THADA: variants seen among roughly 807,000 people sequenced by gnomAD.
The protein encoded by THADA is tRNA (32-2'-O)-methyltransferase regulator THADA.
Under a neutral mutation model 219.8 loss-of-function variants are expected in THADA, and 213 were observed. The observed-to-expected ratio is 0.97, with a 90% CI of 0.87 to 1.09. The LOEUF is 1.09. THADA is among the 50% of genes least tolerant of loss of function. The probability of loss-of-function intolerance (pLI) is 0.00; values close to 1 mark genes in which losing one functional copy is unlikely to be tolerated. For missense variants in THADA, 2,956 were observed against 2,311.3 expected, an observed-to-expected ratio of 1.28 and a Z score of -5.72; for synonymous variants, 1,018 against 828.9, an observed-to-expected ratio of 1.23 and a Z score of -3.92.
chr2:43,319,731 A>G (rs1251070705), intron 31 of THADA, among the ~76,000 whole-genome samples: 1 of 152,198 alleles, frequency 6.6e-6, no homozygotes, highest in Non-Finnish European at 1.5e-5. Context: ...CAATTAGAAG[A>G]GGCTGATTTT....
Position 43,581,755 on chromosome 2 carries a change from T to G in THADA, c.707A>C (p.Lys236Thr), listed in dbSNP as rs753683747. 3 of 1,610,342 alleles carry G rather than the reference T, an allele frequency of 1.9e-6. No individual in the cohort carries two copies. Among genetic ancestry groups the G allele is most frequent in the Non-Finnish European group, 2.5e-6 (3 of 1,179,158 alleles). Residue 236 changes from lysine (K) to threonine (T), a missense_variant, in exon 8 of 38, where the codon AAG (lysine) becomes ACG (threonine). Coordinates refer to ENST00000405975, the MANE Select transcript of THADA (RefSeq NM_022065.5). ...GTTACACTTACCATCGCTTAAAACC[T>G]TGGTAAAAATACTCAGCAATCCACA... ...NMCGLLSIFT[K>T]VLSDDDLLQT...
intron 18 of THADA, 62 bp from the exon 19 acceptor site, chr2:43,551,987 A>G: frequency 6.3e-7 from 1 of 1,579,884 alleles, no homozygotes; most frequent in South Asian, 1.2e-5. Flanking sequence ...AAAAATGAAA[A>G]TTAGATAAAA....
At chr2:43,524,184 A>G (rs968207788) in intron 22 of THADA, among the ~76,000 whole-genome samples, 13 of 152,238 alleles carry the variant, frequency 8.5e-5, no homozygotes, top group African/African-American at 2.7e-4. Context: ...GACATAAAAA[A>G]ATCAGATTAC....
rs1298650643 is a variant in THADA at position 43,437,722 on chromosome 2, C to T, written c.3837-7420G>A. On this transcript the variant is annotated intron_variant, in intron 26 of 37. Transcript: ENST00000405975. ...TGACTGCCTTTTGTTCTGGACTTTC[C>T]GGACTCTATTCAAGGATGTTTATAT... Among the ~76,000 whole-genome samples, 3 of 152,022 alleles carry T rather than the reference C, an allele frequency of 2.0e-5. No individual in the cohort carries two copies. In the East Asian group the frequency reaches 5.8e-4, roughly 29 times the overall value.
intron 28 of THADA, among the ~76,000 whole-genome samples, chr2:43,418,725 G>A (rs570734809): frequency 6.6e-6 from 1 of 152,094 alleles, no homozygotes; most frequent in South Asian, 2.1e-4. Context: ...AGGTTTGAGG[G>A]CAGGACAAAC....
At chr2:43,310,974 C>T (rs1006184202) in intron 31 of THADA, among the ~76,000 whole-genome samples, 12 of 152,046 alleles carry the variant, frequency 7.9e-5, no homozygotes, top group Non-Finnish European at 1.3e-4. Context: ...GTAGCGAGTT[C>T]GACACCAGCC....
intron 26 of THADA, among the ~76,000 whole-genome samples, chr2:43,433,152 G>A (rs1022294705): frequency 1.3e-5 from 2 of 152,010 alleles, no homozygotes; most frequent in African/African-American, 4.8e-5. Context: ...TGAGATAGAG[G>A]TCAAGGTTCT....
chr2:43,245,278 T>C (rs1669030122), intron 36 of THADA, among the ~76,000 whole-genome samples: 1 of 150,498 alleles, frequency 6.6e-6, no homozygotes, highest in Admixed American at 6.7e-5. Context: ...GTTCCAGCGA[T>C]TCTCCTGCCT....
intron 9 of THADA, 80 bp downstream of exon 9, chr2:43,578,433 C>T (rs963580283): frequency 9.2e-7 from 1 of 1,081,538 alleles, no homozygotes; most frequent in Non-Finnish European, 1.4e-6. Flanking sequence ...AAGTGTGAGC[C>T]ACTGCACCAA....
At chr2:43,472,885 A>G (rs987638433) in intron 26 of THADA, among the ~76,000 whole-genome samples, 1 of 152,200 alleles carries the variant, frequency 6.6e-6, no homozygotes, top group African/African-American at 2.4e-5. Flanking sequence ...CATACTAAGC[A>G]TAGAAAAAGA....
chr2:43,575,097 T>G (rs1282391668), intron 10 of THADA, 70 bp from the exon 11 acceptor site: 3 of 1,177,422 alleles, frequency 2.5e-6, no homozygotes, highest in South Asian at 3.8e-5. Context: ...TTATAACAAT[T>G]TAGACTTTAA....
chr2:43,374,278 G>T (rs1190173301), intron 29 of THADA, among the ~76,000 whole-genome samples: 1 of 152,164 alleles, frequency 6.6e-6, no homozygotes, highest in East Asian at 1.9e-4. Context: ...TACAGCAAAT[G>T]AGAGTTAGGT....
intron 29 of THADA, among the ~76,000 whole-genome samples, chr2:43,386,136 C>T (rs936977180): frequency 2.0e-5 from 3 of 151,898 alleles, no homozygotes; most frequent in African/African-American, 7.3e-5. Flanking sequence ...ACACACAACC[C>T]ACTAATTAAT....
intron 30 of THADA, among the ~76,000 whole-genome samples, chr2:43,325,795 T>C (rs1679255328): frequency 6.6e-6 from 1 of 152,252 alleles, no homozygotes; most frequent in Non-Finnish European, 1.5e-5. Context: ...AGAATAATTT[T>C]TAATAAGTTA....
chr2:43,557,047 T>G (rs998726780), intron 16 of THADA, among the ~76,000 whole-genome samples: 1 of 152,068 alleles, frequency 6.6e-6, no homozygotes, highest in Non-Finnish European at 1.5e-5. Flanking sequence ...TGCACCACTG[T>G]GCTCCAGCCT....
chr2:43,416,637 T>A (rs1402331766), intron 28 of THADA, among the ~76,000 whole-genome samples: 1 of 152,148 alleles, frequency 6.6e-6, no homozygotes, highest in Non-Finnish European at 1.5e-5. Context: ...TTTTCCCTAA[T>A]GCAAAAACCC....
Position 43,574,968 on chromosome 2 carries a change from G to A in THADA, c.1097C>T (p.Ser366Leu). The change falls in exon 11 of 38, where the codon TCA (serine) becomes TTA (leucine). Residue 366 changes from serine to leucine, a missense_variant. Ser to Leu is a moderately radical substitution (Grantham distance 145). Coordinates refer to ENST00000405975, the MANE Select transcript of THADA (RefSeq NM_022065.5). Reference sequence around the variant, plus strand: ...ACTTGATTCAAGGACTTGTATGGCTGAATTAGTCCAGGATGCTAAGATTCT... The same window carrying A: ...ACTTGATTCAAGGACTTGTATGGCTAAATTAGTCCAGGATGCTAAGATTCT... ...LSRILASWTN[S>L]AIQVLESSSP... The A allele has an allele frequency of 6.2e-7, 1 of 1,613,960 alleles. No individual in the cohort carries two copies. Among genetic ancestry groups the A allele is most frequent in the South Asian group, 1.1e-5 (1 of 91,076 alleles).
intron 25 of THADA, among the ~76,000 whole-genome samples, chr2:43,496,923 A>G (rs1040608000): frequency 6.6e-6 from 1 of 152,204 alleles, no homozygotes; most frequent in Admixed American, 6.5e-5. Flanking sequence ...GAATTTGGAT[A>G]AAGAAAATGT....
chr2:43,389,291 T>C (rs1380834109), intron 29 of THADA, among the ~76,000 whole-genome samples: 1 of 152,150 alleles, frequency 6.6e-6, no homozygotes, highest in Non-Finnish European at 1.5e-5. Context: ...AGAAATTATA[T>C]ATTATTCTAT....
Sources: allele counts gnomAD v4.1 joint callset (sites outside exome capture counted in the v4.1 genomes callset), GRCh38; gene constraint gnomAD v4.1.1; transcripts MANE v1.5; gene names NCBI Gene and HGNC (gene_info 2026-07-23, HGNC 2026-07-21).